Variants in GRID2 observed in about 807,000 individuals in gnomAD.
GRID2 encodes glutamate receptor ionotropic, delta-2.
In GRID2, 33 loss-of-function variants were observed where a neutral mutation model predicts 114.8. That is an observed-to-expected ratio of 0.29 (90% CI 0.22 to 0.38). The LOEUF (loss-of-function observed/expected upper bound fraction) is 0.38, where lower values mean the gene tolerates loss of function less well. Ranked by LOEUF, GRID2 falls within the 10% of genes least tolerant of loss-of-function variation. The probability of loss-of-function intolerance (pLI) is 1.00; values close to 1 mark genes in which losing one functional copy is unlikely to be tolerated. For synonymous variants in GRID2, 505 were observed against 449.9 expected (o/e 1.12, Z -1.55); for missense variants, 1,184 against 1,257.7 (o/e 0.94, Z 0.89).
chr4:92,613,670 T>C (rs1454996550), intron 2 of GRID2, among the ~76,000 whole-genome samples: 1 of 151,486 alleles, frequency 6.6e-6, no homozygotes, highest in East Asian at 1.9e-4. Flanking sequence ...TCTGCTCTGC[T>C]AACATGAAGT....
chr4:93,003,818 C>G (rs1721242461), intron 2 of GRID2, among the ~76,000 whole-genome samples: 2 of 151,928 alleles, frequency 1.3e-5, no homozygotes, highest in Admixed American at 1.3e-4. Flanking sequence ...CTTGGAGTTT[C>G]AACATCTTCA....
chr4:93,091,839 T>C (rs1730819759), intron 3 of GRID2, among the ~76,000 whole-genome samples: 1 of 151,888 alleles, frequency 6.6e-6, no homozygotes, highest in African/African-American at 2.4e-5. Flanking sequence ...CATAATTGAG[T>C]CCAAATCCCA....
At chr4:92,518,927 G>A (rs1724639681) in intron 1 of GRID2, among the ~76,000 whole-genome samples, 1 of 151,628 alleles carries the variant, frequency 6.6e-6, no homozygotes, top group Non-Finnish European at 1.5e-5. Context: ...AGCCTATTGG[G>A]ATAAAACATC....
chr4:92,589,141 A>C (rs1163452131), intron 1 of GRID2, among the ~76,000 whole-genome samples: 1 of 152,166 alleles, frequency 6.6e-6, no homozygotes, highest in East Asian at 1.9e-4. Flanking sequence ...CAAAAAGAGC[A>C]GTGAAAAGAT....
chr4:93,163,291 A>G (rs1178607673), intron 4 of GRID2, among the ~76,000 whole-genome samples: 2 of 147,458 alleles, frequency 1.4e-5, no homozygotes, highest in Non-Finnish European at 3.0e-5. Flanking sequence ...AAATATCAAG[A>G]GTGGTTATCT....
intron 8 of GRID2, among the ~76,000 whole-genome samples, chr4:93,268,424 T>A: frequency 6.6e-6 from 1 of 152,026 alleles, no homozygotes; most frequent in East Asian, 1.9e-4. Context: ...CATCTCCAAA[T>A]ATATTTGGGG....
chr4:92,590,009 A>G, intron 1 of GRID2, 122 bp from the exon 2 acceptor site: 2 of 639,682 alleles, frequency 3.1e-6, no homozygotes, highest in Non-Finnish European at 5.5e-6. Context: ...ATTAATAAAT[A>G]AAGTGCATGC....
intron 14 of GRID2, among the ~76,000 whole-genome samples, chr4:93,646,195 T>A (rs2149714786): frequency 6.6e-6 from 1 of 152,284 alleles, no homozygotes; most frequent in East Asian, 1.9e-4. Flanking sequence ...AATGGGATAA[T>A]TTTATATTGG....
At chr4:93,708,016 A>T (rs1040198885) in intron 14 of GRID2, among the ~76,000 whole-genome samples, 1 of 151,854 alleles carries the variant, frequency 6.6e-6, no homozygotes, top group Non-Finnish European at 1.5e-5. Context: ...TTCTTTTGTT[A>T]TTGATTTCTA....
chr4:93,603,505 A>C (rs750405791), intron 13 of GRID2, among the ~76,000 whole-genome samples: 5 of 152,254 alleles, frequency 3.3e-5, no homozygotes, highest in African/African-American at 4.8e-5. Flanking sequence ...GCTGATGCAG[A>C]CACTGCGGCA....
chr4:92,748,838 A>AT (rs1560570413), intron 2 of GRID2, among the ~76,000 whole-genome samples: 1 of 150,076 alleles, frequency 6.7e-6, no homozygotes, highest in African/African-American at 2.5e-5. Context: ...ATTTTTTTGT[A>AT]TTTTTACTAA....
chr4:93,211,696 C>A (rs891651784), intron 5 of GRID2, among the ~76,000 whole-genome samples: 1 of 152,144 alleles, frequency 6.6e-6, no homozygotes, highest in South Asian at 2.1e-4. Flanking sequence ...GGTATAATTT[C>A]TTTTGGGCAA....
At chr4:93,484,384 A>T (rs1445038317) in intron 11 of GRID2, among the ~76,000 whole-genome samples, 1 of 151,752 alleles carries the variant, frequency 6.6e-6, no homozygotes, top group Non-Finnish European at 1.5e-5. Context: ...GGTTCATAAA[A>T]CCCATTAATG....
intron 13 of GRID2, among the ~76,000 whole-genome samples, chr4:93,578,189 G>A (rs1459211517): frequency 6.6e-6 from 1 of 152,156 alleles, no homozygotes; most frequent in African/African-American, 2.4e-5. Flanking sequence ...TTCAGGAGAA[G>A]GCTTCTCTTG....
intron 2 of GRID2, among the ~76,000 whole-genome samples, chr4:92,914,782 G>A (rs1199951085): frequency 6.6e-6 from 1 of 151,974 alleles, no homozygotes; most frequent in African/African-American, 2.4e-5. Flanking sequence ...AGTATTCTAT[G>A]GTATATCTGA....
At chr4:92,488,935 G>C (rs1472714720) in intron 1 of GRID2, among the ~76,000 whole-genome samples, 1 of 152,138 alleles carries the variant, frequency 6.6e-6, no homozygotes, top group Non-Finnish European at 1.5e-5. Context: ...GACTACAGTA[G>C]AACAACAGAG....
chr4:92,459,830 G>A (rs932121209), intron 1 of GRID2, among the ~76,000 whole-genome samples: 3 of 150,980 alleles, frequency 2.0e-5, no homozygotes, highest in Non-Finnish European at 4.4e-5. Context: ...ACCCTCTATA[G>A]TATGGGTGAG....
chr4:92,311,336 T>A (rs1725699678), intron 1 of GRID2, among the ~76,000 whole-genome samples: 1 of 152,064 alleles, frequency 6.6e-6, no homozygotes, highest in Admixed American at 6.6e-5. Flanking sequence ...TATGCTTTTA[T>A]CCTACTGTTG....
At chr4:93,115,995 AT>A (rs1322846748) in intron 4 of GRID2, among the ~76,000 whole-genome samples, 1 of 152,260 alleles carries the variant, frequency 6.6e-6, no homozygotes, top group South Asian at 2.1e-4. Context: ...ACTCTAGTAA[AT>A]ATTACTGGTT....
Sources: allele counts gnomAD v4.1 joint callset (sites outside exome capture counted in the v4.1 genomes callset), GRCh38; gene constraint gnomAD v4.1.1; transcripts MANE v1.5; gene names NCBI Gene and HGNC (gene_info 2026-07-23, HGNC 2026-07-21).